Variants in SEMA5A observed in about 807,000 individuals in gnomAD.
SEMA5A encodes the protein semaphorin 5A.
SEMA5A carries 55 observed loss-of-function variants against 135.5 expected under a neutral mutation model. That is an observed-to-expected ratio of 0.41 (90% CI 0.33 to 0.51). The LOEUF is 0.51. SEMA5A is among the 20% of genes least tolerant of loss of function. The pLI is 0.37. For synonymous variants in SEMA5A, 580 were observed against 546.5 expected (o/e 1.06, Z -0.85); for missense variants, 1,290 against 1,419.9 (o/e 0.91, Z 1.47).
At chr5:9,051,783 T>TGG in intron 20 of SEMA5A, 90 bp downstream of exon 20, 2 of 1,522,366 alleles carry the variant, frequency 1.3e-6, no homozygotes, top group Non-Finnish European at 1.8e-6. Context: ...TTTCACCAAA[T>TGG]AAGCCAAATA....
intron 2 of SEMA5A, among the ~76,000 whole-genome samples, chr5:9,432,457 T>C (rs192921134): frequency 1.2e-3 from 186 of 152,320 alleles, no homozygotes; most frequent in Middle Eastern, 3.4e-3. Context: ...GCACTTTTTT[T>C]TTCATATTTG....
intron 10 of SEMA5A, among the ~76,000 whole-genome samples, chr5:9,191,018 C>T (rs1806130): frequency 0.27 from 41,003 of 152,018 alleles, 6,326 homozygotes; most frequent in East Asian, 0.57. Flanking sequence ...GCTGGCCTTA[C>T]TGTTTTCTAC....
intron 2 of SEMA5A, among the ~76,000 whole-genome samples, chr5:9,435,635 T>G (rs1333614007): frequency 6.6e-6 from 1 of 152,242 alleles, no homozygotes; most frequent in East Asian, 1.9e-4. Flanking sequence ...TCTTCGGCAG[T>G]GCAAGGATCG....
chr5:9,361,094 T>C (rs189951840), intron 3 of SEMA5A, among the ~76,000 whole-genome samples: 2 of 151,670 alleles, frequency 1.3e-5, no homozygotes, highest in South Asian at 2.1e-4. Flanking sequence ...AGGTCAAGAG[T>C]TCGAGACCAG....
intron 1 of SEMA5A, among the ~76,000 whole-genome samples, chr5:9,495,756 G>A (rs1487975052): frequency 1.3e-5 from 2 of 152,100 alleles, no homozygotes; most frequent in African/African-American, 4.8e-5. Flanking sequence ...GACAGTAATG[G>A]GTAAATAATA....
intron 11 of SEMA5A, among the ~76,000 whole-genome samples, chr5:9,177,506 T>C (rs1048097530): frequency 6.6e-6 from 1 of 152,240 alleles, no homozygotes; most frequent in African/African-American, 2.4e-5. Flanking sequence ...GAAATGTATG[T>C]GTATTTTCTG....
intron 5 of SEMA5A, chr5:9,280,860 C>G: frequency 2.5e-6 from 1 of 406,676 alleles, no homozygotes; most frequent in Non-Finnish European, 4.9e-6. Flanking sequence ...TAGCAAATAA[C>G]AATAAATAAT....
chr5:9,441,463 C>T (rs1336639508), intron 1 of SEMA5A, among the ~76,000 whole-genome samples: 3 of 152,088 alleles, frequency 2.0e-5, no homozygotes, highest in African/African-American at 7.2e-5. Context: ...TGAGTTAAAG[C>T]ATGAGTTCCT....
chr5:9,230,611 A>G (rs1434109639), intron 6 of SEMA5A, among the ~76,000 whole-genome samples: 1 of 152,080 alleles, frequency 6.6e-6, no homozygotes, highest in African/African-American at 2.4e-5. Context: ...CGCAGAACGG[A>G]GTGAGTGTGT....
At chr5:9,509,488 T>C (rs1231598727) in intron 1 of SEMA5A, among the ~76,000 whole-genome samples, 2 of 152,132 alleles carry the variant, frequency 1.3e-5, no homozygotes, top group East Asian at 3.9e-4. Context: ...TTGGTCAGGC[T>C]GGTCTCGAAC....
At chr5:9,285,172 C>A (rs1039720000) in intron 5 of SEMA5A, among the ~76,000 whole-genome samples, 1 of 152,284 alleles carries the variant, frequency 6.6e-6, no homozygotes, top group East Asian at 1.9e-4. Flanking sequence ...CAACTATCGT[C>A]TAGTATGTCT....
In SEMA5A at chr5:9,522,048, C is replaced by T. The variant is rs1047119558; in HGVS notation, c.-175+23536G>A. On this transcript the variant is annotated intron_variant, in intron 1 of 22. Transcript: ENST00000382496. ...ACAGGGTCTCAGACAGCCTCCCCGTCGCATAGCCTTCGCCTGCATGGATTG... is the reference window on the plus strand; with the variant it reads ...ACAGGGTCTCAGACAGCCTCCCCGTTGCATAGCCTTCGCCTGCATGGATTG... Among the ~76,000 whole-genome samples, 4 of 152,150 alleles carry T rather than the reference C, an allele frequency of 2.6e-5. 1 individual carries two copies. Among genetic ancestry groups the T allele is most frequent in the Non-Finnish European group, 4.4e-5 (3 of 68,040 alleles).
intron 1 of SEMA5A, among the ~76,000 whole-genome samples, chr5:9,441,531 T>C (rs547232691): frequency 6.7e-6 from 1 of 148,874 alleles, no homozygotes; most frequent in South Asian, 2.1e-4. Context: ...AGATAAGAGT[T>C]TGCAGGAGTG....
chr5:9,536,429 A>G (rs1018131279), intron 1 of SEMA5A, among the ~76,000 whole-genome samples: 6 of 152,080 alleles, frequency 3.9e-5, no homozygotes, highest in Non-Finnish European at 7.4e-5. Context: ...CCTGACCAAC[A>G]TGGTGAAACC....
chr5:9,364,617 A>G (rs974107305), intron 3 of SEMA5A, among the ~76,000 whole-genome samples: 2 of 152,240 alleles, frequency 1.3e-5, no homozygotes, highest in African/African-American at 2.4e-5. Flanking sequence ...GATTAAAATT[A>G]TAAGAAGGAC....
At chr5:9,205,140 G>A (rs1380446201) in intron 8 of SEMA5A, among the ~76,000 whole-genome samples, 1 of 152,072 alleles carries the variant, frequency 6.6e-6, no homozygotes, top group Non-Finnish European at 1.5e-5. Context: ...TATTCAACAG[G>A]ATTTGATTTT....
At chr5:9,259,566 G>A (rs1749288852) in intron 5 of SEMA5A, among the ~76,000 whole-genome samples, 1 of 151,808 alleles carries the variant, frequency 6.6e-6, no homozygotes, top group South Asian at 2.1e-4. Context: ...ATGTCTATTA[G>A]GTCTGCTTGG....
chr5:9,278,045 T>A (rs1042978794), intron 5 of SEMA5A, among the ~76,000 whole-genome samples: 3 of 152,046 alleles, frequency 2.0e-5, no homozygotes, highest in Non-Finnish European at 2.9e-5. Context: ...GGAGATGTGT[T>A]TATTTTACTT....
chr5:9,455,783 T>TA (rs1758811329), intron 1 of SEMA5A, among the ~76,000 whole-genome samples: 1 of 152,190 alleles, frequency 6.6e-6, no homozygotes, highest in Non-Finnish European at 1.5e-5. Flanking sequence ...GACGTGTGTA[T>TA]AAATAAATTA....
Sources: allele counts gnomAD v4.1 joint callset (sites outside exome capture counted in the v4.1 genomes callset), GRCh38; gene constraint gnomAD v4.1.1; transcripts MANE v1.5; gene names NCBI Gene and HGNC (gene_info 2026-07-23, HGNC 2026-07-21).